SLC14A2: variants seen among roughly 807,000 people sequenced by gnomAD.
SLC14A2 encodes the protein urea transporter 2.
SLC14A2 carries 91 observed loss-of-function variants against 104.6 expected under a neutral mutation model. The ratio of observed to expected loss-of-function variants is 0.87; its 90% CI spans 0.73 to 1.04. The LOEUF (loss-of-function observed/expected upper bound fraction) is 1.04. Ranked by LOEUF, SLC14A2 falls within the 50% of genes least tolerant of loss-of-function variation. SLC14A2 has a pLI of 0.00. For synonymous variants in SLC14A2, 476 were observed against 466.4 expected (o/e 1.02, Z -0.27); for missense variants, 1,189 against 1,156.0 (o/e 1.03, Z -0.41).
chr18:45,643,082 A>AG (rs758093250), intron 8 of SLC14A2, 50 bp from the exon 9 acceptor site: 21 of 1,581,496 alleles, frequency 1.3e-5, no homozygotes, highest in African/African-American at 2.7e-5. Flanking sequence ...GCAGTGGCTT[A>AG]GGGGGAAGGC....
At chr18:45,227,150 G>A (rs1325040666) in intron 1 of SLC14A2, among the ~76,000 whole-genome samples, 1 of 152,166 alleles carries the variant, frequency 6.6e-6, no homozygotes, top group Non-Finnish European at 1.5e-5. Flanking sequence ...TGTGATATTG[G>A]TGAGAAAGAG....
chr18:45,183,831 G>A, the SLC14A2 span, among the ~76,000 whole-genome samples: 1 of 150,792 alleles, frequency 6.6e-6, no homozygotes, highest in Non-Finnish European at 1.5e-5. Flanking sequence ...CAACTCCTGG[G>A]CCAAGCTATC....
chr18:45,524,445 T>C (rs989773687), intron 2 of SLC14A2, among the ~76,000 whole-genome samples: 1 of 152,134 alleles, frequency 6.6e-6, no homozygotes, highest in African/African-American at 2.4e-5. Context: ...GAGAGGGATG[T>C]GCCCTTGATG....
chr18:45,419,647 G>A (rs1459387682), intron 1 of SLC14A2, among the ~76,000 whole-genome samples: 2 of 152,108 alleles, frequency 1.3e-5, no homozygotes, highest in African/African-American at 4.8e-5. Context: ...GGTGGCGCAC[G>A]CCTGTAATCC....
the SLC14A2 span, among the ~76,000 whole-genome samples, chr18:45,193,498 A>G: frequency 6.6e-6 from 1 of 152,246 alleles, no homozygotes; most frequent in East Asian, 1.9e-4. Flanking sequence ...TGAATTTTGT[A>G]CCTTTGCAGA....
intron 2 of SLC14A2, among the ~76,000 whole-genome samples, chr18:45,581,242 T>C (rs538621194): frequency 6.6e-6 from 1 of 152,226 alleles, no homozygotes; most frequent in East Asian, 1.9e-4. Flanking sequence ...GATGAGGGCA[T>C]CTCATGGACG....
Position 45,682,351 on chromosome 18 carries a change from T to C in SLC14A2, c.2595T>C (p.Cys865=). ...TGCCGCCCTGCACTTGGCCCTTCTG[T>C]CTCTCAGCTCTCACCTTCCTGCTCC... ...FGLPPCTWPF[C]LSALTFLLLT... Residue 865 remains cysteine (C), a synonymous_variant, in exon 20 of 20, where the codon TGT becomes TGC. Coordinates refer to ENST00000255226, the MANE Select transcript of SLC14A2 (RefSeq NM_007163.4). 3.1e-6 allele frequency: 5 copies of C among 1,614,076 alleles called. No individual in the cohort carries two copies. Among genetic ancestry groups the C allele is most frequent in the Non-Finnish European group, 4.2e-6 (5 of 1,180,008 alleles).
intron 1 of SLC14A2, among the ~76,000 whole-genome samples, chr18:45,226,078 A>G (rs991607456): frequency 1.1e-3 from 169 of 152,308 alleles, no homozygotes; most frequent in African/African-American, 2.9e-3. Flanking sequence ...AATGCTCATC[A>G]TCACTGGCCA....
At chr18:45,474,461 C>T (rs1170976753) in intron 1 of SLC14A2, among the ~76,000 whole-genome samples, 1 of 152,122 alleles carries the variant, frequency 6.6e-6, no homozygotes, top group Non-Finnish European at 1.5e-5. Context: ...GGTACCAGCT[C>T]CTCTTTGTAC....
intron 2 of SLC14A2, among the ~76,000 whole-genome samples, chr18:45,582,396 C>A (rs984012765): frequency 6.6e-6 from 1 of 152,018 alleles, no homozygotes; most frequent in African/African-American, 2.4e-5. Flanking sequence ...TCAGACATAC[C>A]AGAGCAGGTG....
chr18:45,356,573 C>G (rs1176584053), intron 1 of SLC14A2, among the ~76,000 whole-genome samples: 2 of 152,164 alleles, frequency 1.3e-5, no homozygotes, highest in Non-Finnish European at 1.5e-5. Flanking sequence ...AGAAAGCTGA[C>G]TTTCCTTAAG....
At chr18:45,355,246 A>T (rs1004278425) in intron 1 of SLC14A2, among the ~76,000 whole-genome samples, 2 of 152,126 alleles carry the variant, frequency 1.3e-5, no homozygotes, top group Admixed American at 1.3e-4. Context: ...AAACTTTATG[A>T]TGCTAATAGA....
chr18:45,169,334 G>A, the SLC14A2 span, among the ~76,000 whole-genome samples: 10 of 152,184 alleles, frequency 6.6e-5, no homozygotes, highest in African/African-American at 2.4e-4. Context: ...TGGTGAGCCA[G>A]TTCATTCTGA....
intron 10 of SLC14A2, among the ~76,000 whole-genome samples, chr18:45,650,623 T>A (rs572999726): frequency 2.0e-4 from 31 of 152,312 alleles, no homozygotes; most frequent in African/African-American, 7.5e-4. Context: ...AAGGAATTCA[T>A]TTTATGGGAA....
At chr18:45,413,656 C>T (rs1345178064) in intron 1 of SLC14A2, among the ~76,000 whole-genome samples, 1 of 152,144 alleles carries the variant, frequency 6.6e-6, no homozygotes, top group African/African-American at 2.4e-5. Flanking sequence ...GCTTCTTGAG[C>T]TCCAGCATTG....
intron 1 of SLC14A2, among the ~76,000 whole-genome samples, chr18:45,398,741 C>T (rs1185315151): frequency 6.6e-6 from 1 of 152,144 alleles, no homozygotes; most frequent in Non-Finnish European, 1.5e-5. Context: ...CTCATTCTCT[C>T]TCCACCCAAC....
At chr18:45,569,147 C>G (rs2044310163) in intron 2 of SLC14A2, among the ~76,000 whole-genome samples, 1 of 152,170 alleles carries the variant, frequency 6.6e-6, no homozygotes, top group African/African-American at 2.4e-5. Flanking sequence ...ACCCCTCATG[C>G]CCCACTGTCC....
chr18:45,557,084 C>A (rs72904448), intron 2 of SLC14A2, among the ~76,000 whole-genome samples: 12,369 of 152,292 alleles, frequency 0.081, 670 homozygotes, highest in Non-Finnish European at 0.12. Flanking sequence ...GCACAGCCAG[C>A]ACCTTTGCTT....
intron 1 of SLC14A2, among the ~76,000 whole-genome samples, chr18:45,222,726 A>T (rs1419156679): frequency 6.6e-6 from 1 of 152,182 alleles, no homozygotes; most frequent in East Asian, 1.9e-4. Flanking sequence ...ATCACTGCAC[A>T]CTATCTATTT....
Sources: allele counts gnomAD v4.1 joint callset (sites outside exome capture counted in the v4.1 genomes callset), GRCh38; gene constraint gnomAD v4.1.1; transcripts MANE v1.5; gene names NCBI Gene and HGNC (gene_info 2026-07-23, HGNC 2026-07-21).